KCND2: variants seen among roughly 807,000 people sequenced by gnomAD.
The protein encoded by KCND2 is potassium voltage-gated channel subfamily D member 2, also known as A-type voltage-gated potassium channel KCND2.
In KCND2, 16 loss-of-function variants were observed where a neutral mutation model predicts 54.4. That is an observed-to-expected ratio of 0.29 (90% CI 0.20 to 0.45). The LOEUF is 0.45. Among genes scored for constraint, KCND2 ranks in the 20% least tolerant of loss-of-function variants. The pLI, the probability that KCND2 is intolerant of heterozygous loss-of-function variation, is 1.00. For synonymous variants in KCND2, 317 were observed against 310.7 expected, an observed-to-expected ratio of 1.02 and a Z score of -0.21; for missense variants, 486 against 824.2, an observed-to-expected ratio of 0.59 and a Z score of 5.02.
chr7:120,509,371 G>T (rs1199201855), intron 1 of KCND2, among the ~76,000 whole-genome samples: 2 of 152,034 alleles, frequency 1.3e-5, no homozygotes, highest in Non-Finnish European at 2.9e-5. Flanking sequence ...TGGGTTTGGG[G>T]TATATATGTA....
intron 1 of KCND2, among the ~76,000 whole-genome samples, chr7:120,317,985 T>G (rs1799836876): frequency 6.6e-6 from 1 of 152,196 alleles, no homozygotes; most frequent in Admixed American, 6.5e-5. Flanking sequence ...AAGCATTCAT[T>G]AAGCACCTGC....
chr7:120,294,730 CAT>C (rs1206072851), intron 1 of KCND2, among the ~76,000 whole-genome samples: 3 of 151,678 alleles, frequency 2.0e-5, no homozygotes, highest in Non-Finnish European at 4.4e-5. Flanking sequence ...TTTGAAGAAA[CAT>C]ATTCTTATTA....
chr7:120,471,391 TC>T (rs1375813191), intron 1 of KCND2, among the ~76,000 whole-genome samples: 1 of 152,130 alleles, frequency 6.6e-6, no homozygotes, highest in Non-Finnish European at 1.5e-5. Flanking sequence ...AATTATACAT[TC>T]CTCTAAATGT....
chr7:120,357,309 G>C (rs1018557227), intron 1 of KCND2, among the ~76,000 whole-genome samples: 2 of 151,976 alleles, frequency 1.3e-5, no homozygotes, highest in Admixed American at 1.3e-4. Context: ...AAGGAGCCAG[G>C]ATTCAAATTC....
intron 1 of KCND2, among the ~76,000 whole-genome samples, chr7:120,319,920 C>T (rs1312579692): frequency 6.6e-6 from 1 of 151,940 alleles, no homozygotes; most frequent in African/African-American, 2.4e-5. Context: ...TCTTCTTTAA[C>T]ATGCAGAGTT....
chr7:120,582,379 T>C (rs1792528220), intron 1 of KCND2, among the ~76,000 whole-genome samples: 1 of 152,150 alleles, frequency 6.6e-6, no homozygotes, highest in African/African-American at 2.4e-5. Context: ...TATACTCTCC[T>C]CATTCTTAAT....
Position 120,275,313 on chromosome 7 carries a change from G to A in KCND2, c.681G>A (p.Val227=). 6.2e-7 allele frequency: 1 copy of A among 1,613,768 alleles called. No homozygotes were observed. Among genetic ancestry groups the A allele is most frequent in the Non-Finnish European group, 8.5e-7 (1 of 1,179,964 alleles). ...KELPCGERYA[V]AFFCLDTACV... ...TGCCCTGTGGAGAGCGGTATGCTGT[G>A]GCCTTCTTCTGCTTGGACACGGCCT... Residue 227 remains valine, a synonymous_variant, in exon 1 of 6, where the codon GTG becomes GTA. Coordinates refer to ENST00000331113, the MANE Select transcript of KCND2 (RefSeq NM_012281.3).
intron 1 of KCND2, among the ~76,000 whole-genome samples, chr7:120,365,107 T>C (rs148341186): frequency 6.6e-6 from 1 of 151,754 alleles, no homozygotes; most frequent in East Asian, 1.9e-4. Context: ...TCATAGTTGT[T>C]ATTTATTTCT....
chr7:120,698,022 C>CTTTTTT (rs35589294), intron 1 of KCND2, among the ~76,000 whole-genome samples: 29 of 85,580 alleles, frequency 3.4e-4, no homozygotes, highest in Non-Finnish European at 4.7e-4. Flanking sequence ...TAGATTTGCC[C>CTTTTTT]TTTTTTTTTT....
chr7:120,597,099 G>T (rs111927089), intron 1 of KCND2, among the ~76,000 whole-genome samples: 2 of 152,102 alleles, frequency 1.3e-5, no homozygotes, highest in African/African-American at 4.8e-5. Flanking sequence ...ACTGGAATAA[G>T]GGAGATCAGT....
chr7:120,473,908 A>G (rs1802496809), intron 1 of KCND2, among the ~76,000 whole-genome samples: 1 of 152,188 alleles, frequency 6.6e-6, no homozygotes, highest in South Asian at 2.1e-4. Flanking sequence ...TTCAGGAGTC[A>G]TGGGAGGAAT....
chr7:120,455,893 G>C (rs1464464463), intron 1 of KCND2, among the ~76,000 whole-genome samples: 2 of 152,074 alleles, frequency 1.3e-5, no homozygotes, highest in Non-Finnish European at 2.9e-5. Flanking sequence ...GAAATAATCT[G>C]TACACAAAAC....
At chr7:120,666,572 A>C (rs950445650) in intron 1 of KCND2, among the ~76,000 whole-genome samples, 1 of 152,034 alleles carries the variant, frequency 6.6e-6, no homozygotes, top group African/African-American at 2.4e-5. Flanking sequence ...CTCAGCATAG[A>C]TACAAGTAAG....
At chr7:120,299,159 TA>T (rs879616979) in intron 1 of KCND2, among the ~76,000 whole-genome samples, 27 of 147,766 alleles carry the variant, frequency 1.8e-4, no homozygotes, top group Non-Finnish European at 1.5e-4. Context: ...AAACTCTGTC[TA>T]AAAAAAAAAA....
chr7:120,453,553 AT>A (rs1285888886), intron 1 of KCND2, among the ~76,000 whole-genome samples: 2 of 152,222 alleles, frequency 1.3e-5, no homozygotes, highest in African/African-American at 2.4e-5. Flanking sequence ...AAAAAACCAA[AT>A]TCATACCAAA....
intron 1 of KCND2, among the ~76,000 whole-genome samples, chr7:120,319,796 A>T (rs1799866851): frequency 6.6e-6 from 1 of 152,114 alleles, no homozygotes; most frequent in Non-Finnish European, 1.5e-5. Context: ...ACATTTTGCC[A>T]TCCATTTAAC....
chr7:120,427,706 T>TA (rs535403207), intron 1 of KCND2, among the ~76,000 whole-genome samples: 12 of 152,164 alleles, frequency 7.9e-5, no homozygotes, highest in Non-Finnish European at 1.8e-4. Context: ...TTAATTCTAG[T>TA]AAAAAAATGT....
intron 1 of KCND2, among the ~76,000 whole-genome samples, chr7:120,400,469 G>C (rs1388112200): frequency 6.6e-6 from 1 of 152,132 alleles, no homozygotes; most frequent in Non-Finnish European, 1.5e-5. Context: ...TTGATTGTCT[G>C]TCTTTCCCAC....
At chr7:120,669,576 G>A (rs1179293027) in intron 1 of KCND2, among the ~76,000 whole-genome samples, 2 of 152,096 alleles carry the variant, frequency 1.3e-5, no homozygotes, top group African/African-American at 4.8e-5. Flanking sequence ...CTGGAAGGCT[G>A]TCTACAATTG....
Sources: gnomAD v4.1 joint callset for allele counts (sites outside exome capture counted in the v4.1 genomes callset) on GRCh38, gnomAD v4.1.1 for gene constraint, MANE v1.5 for transcripts, NCBI Gene and HGNC (gene_info 2026-07-23, HGNC 2026-07-21) for gene names.